The following TAFA5 variants were observed in gnomAD, a reference collection of about 807,000 sequenced individuals.
TAFA5 encodes the protein TAFA chemokine like family member 5, also known as chemokine-like protein TAFA-5.
In TAFA5, 6 loss-of-function variants were observed where a neutral mutation model predicts 15.3. That is an observed-to-expected ratio of 0.39 (90% confidence interval 0.21 to 0.77). The LOEUF (loss-of-function observed/expected upper bound fraction) is 0.77. Ranked by LOEUF, TAFA5 falls within the 30% of genes least tolerant of loss-of-function variation. TAFA5 has a pLI of 0.41. For synonymous variants in TAFA5, 103 were observed against 80.7 expected, an observed-to-expected ratio of 1.28 and a Z score of -1.48; for missense variants, 161 against 193.1, an observed-to-expected ratio of 0.83 and a Z score of 0.98.
At chr22:48,671,567 G>T (rs1233600031) in intron 2 of TAFA5, among the ~76,000 whole-genome samples, 1 of 152,212 alleles carries the variant, frequency 6.6e-6, no homozygotes, top group African/African-American at 2.4e-5. Context: ...GAGCATGACT[G>T]TTGGGATGGA....
At chr22:48,660,060 T>C (rs541633028) in intron 2 of TAFA5, among the ~76,000 whole-genome samples, 1 of 152,318 alleles carries the variant, frequency 6.6e-6, no homozygotes, top group Admixed American at 6.5e-5. Context: ...CCTGTCTGGA[T>C]GCCGAGTCAT....
chr22:48,582,429 C>T lies in TAFA5; in HGVS notation c.113-64168C>T, dbSNP rs1157205110. On this transcript the variant is annotated intron_variant, in intron 1 of 3. Coordinates refer to ENST00000402357, the MANE Select transcript of TAFA5 (RefSeq NM_001082967.3). ...CACCACACACAAAATACACCACATA[C>T]CACACACAAAATACACCACATACCA... Among the ~76,000 whole-genome samples, 10 of 151,140 alleles carry T rather than the reference C, an allele frequency of 6.6e-5. No homozygotes were observed. In the South Asian group the frequency reaches 1.3e-3, roughly 19 times the overall value.
rs1463419710 is a variant in TAFA5 at position 48,490,795 on chromosome 22, G to T, written c.112+1091G>T. Reference sequence around the variant, plus strand: ...ATTCTTTACAAAAAAAAAAAAAAAAGGCCAGCACCGAACCTCCCTCCACAG... The same window carrying T: ...ATTCTTTACAAAAAAAAAAAAAAAATGCCAGCACCGAACCTCCCTCCACAG... On this transcript the variant is annotated intron_variant, in intron 1 of 3. Transcript: ENST00000402357. This position sits in a 1 kb window ranked among gnomAD's most constrained non-coding sequence, Gnocchi z 5.8. Among the ~76,000 whole-genome samples the T allele has an allele frequency of 6.6e-5, 6 of 91,458 alleles. No homozygotes were observed. In the East Asian group the frequency reaches 2.4e-3, roughly 37 times the overall value. The allele number at this position is 91,458 out of a possible 152,430, so 60.0% of individuals were successfully genotyped here.
In TAFA5 at chr22:48,689,763, G is replaced by A. The variant is rs552808770; in HGVS notation, c.263-17954G>A. ...CAGACTGTGCAGGAAAGAGCAGGTTGATGGGCTGGTATCATTGGCATAACA... is the reference window on the plus strand; with the variant it reads ...CAGACTGTGCAGGAAAGAGCAGGTTAATGGGCTGGTATCATTGGCATAACA... On this transcript the variant is annotated intron_variant, in intron 2 of 3. Coordinates refer to ENST00000402357, the MANE Select transcript of TAFA5 (RefSeq NM_001082967.3). 7.9e-5 allele frequency among the ~76,000 whole-genome samples: 12 copies of A among 152,308 alleles called. No homozygotes were observed. In the East Asian group the frequency reaches 2.3e-3, roughly 29 times the overall value.
At chr22:48,650,000 G>T (rs1569063962) in intron 2 of TAFA5, among the ~76,000 whole-genome samples, 2 of 152,208 alleles carry the variant, frequency 1.3e-5, no homozygotes, top group Non-Finnish European at 2.9e-5. Flanking sequence ...TTCAAGGGAG[G>T]CCAAACAAAT....
intron 3 of TAFA5, among the ~76,000 whole-genome samples, chr22:48,729,263 T>TATATAA (rs1309956558): frequency 1.4e-5 from 2 of 143,496 alleles, no homozygotes; most frequent in African/African-American, 5.0e-5. Context: ...TATATAATAA[T>TATATAA]TTTATATTTA....
intron 1 of TAFA5, among the ~76,000 whole-genome samples, chr22:48,500,040 T>C (rs1208205433): frequency 1.3e-5 from 2 of 152,110 alleles, no homozygotes; most frequent in Admixed American, 1.3e-4. Context: ...TCAGCAATTC[T>C]CAGAGACCCC....
chr22:48,580,555 C>T (rs1211590543), intron 1 of TAFA5, among the ~76,000 whole-genome samples: 2 of 152,196 alleles, frequency 1.3e-5, no homozygotes, highest in African/African-American at 2.4e-5. Context: ...GGTAGATGCC[C>T]TTGAGGTTTC....
intron 2 of TAFA5, among the ~76,000 whole-genome samples, chr22:48,696,143 G>A (rs543652729): frequency 6.6e-6 from 1 of 152,310 alleles, no homozygotes; most frequent in East Asian, 1.9e-4. Flanking sequence ...GGGAGAAGTG[G>A]CGCAGGCTGC....
At chr22:48,553,831 C>T (rs1922939463) in intron 1 of TAFA5, among the ~76,000 whole-genome samples, 1 of 152,104 alleles carries the variant, frequency 6.6e-6, no homozygotes, top group Non-Finnish European at 1.5e-5. Context: ...TTGTCAAGGC[C>T]CCTGGAATCC....
rs544348786 is a variant in TAFA5, at chr22:48,746,665, G to A, written c.391-3174G>A. The stretch of plus-strand genomic sequence containing the variant: ...GATAGTAATTGCTGCTGCAGCATTC[G>A]GACCCGGGAGGTGTGCCCCGCCCTG... On this transcript the variant is annotated intron_variant, in intron 3 of 3. Transcript: ENST00000402357. Among the ~76,000 whole-genome samples the A allele has an allele frequency of 2.0e-5, 3 of 152,292 alleles. No homozygotes were observed. In the South Asian group the frequency reaches 6.2e-4, roughly 32 times the overall value.
At chr22:48,641,952 C>T (rs1252917000) in intron 1 of TAFA5, among the ~76,000 whole-genome samples, 2 of 152,212 alleles carry the variant, frequency 1.3e-5, no homozygotes, top group African/African-American at 4.8e-5. Flanking sequence ...GAAACACCAT[C>T]CCCTATCTCC....
At chr22:48,537,957 G>T (rs1477667640) in intron 1 of TAFA5, among the ~76,000 whole-genome samples, 3 of 152,194 alleles carry the variant, frequency 2.0e-5, no homozygotes, top group Non-Finnish European at 2.9e-5. Context: ...GCCATTTGGC[G>T]TGGGGATGCC....
chr22:48,707,508 G>A (rs537962059), intron 2 of TAFA5, among the ~76,000 whole-genome samples: 27 of 152,286 alleles, frequency 1.8e-4, no homozygotes, highest in Admixed American at 9.8e-4. Flanking sequence ...ATGGCAGAGC[G>A]GGACTTGGGG....
At chr22:48,512,796 G>A (rs1424274148) in intron 1 of TAFA5, among the ~76,000 whole-genome samples, 4 of 151,254 alleles carry the variant, frequency 2.6e-5, no homozygotes, top group East Asian at 2.0e-4. Context: ...GGTGGCGAGC[G>A]CCTTTAGTCC....
chr22:48,541,003 C>A (rs754577883), intron 1 of TAFA5, among the ~76,000 whole-genome samples: 37 of 152,112 alleles, frequency 2.4e-4, no homozygotes, highest in Non-Finnish European at 4.4e-4. Flanking sequence ...CAGAGGGGCT[C>A]ACCAAAGGAA....
intron 1 of TAFA5, among the ~76,000 whole-genome samples, chr22:48,643,114 C>T (rs1926741436): frequency 6.6e-6 from 1 of 152,216 alleles, no homozygotes; most frequent in Non-Finnish European, 1.5e-5. Flanking sequence ...CCTGCTGGGG[C>T]TGAGCTGGGG....
chr22:48,748,876 G>A (rs374893571), intron 3 of TAFA5, among the ~76,000 whole-genome samples: 20 of 152,254 alleles, frequency 1.3e-4, no homozygotes, highest in African/African-American at 3.9e-4. Context: ...GGAGGTGCCC[G>A]CCCAGGAGAC....
At chr22:48,597,570 C>G (rs1326702805) in intron 1 of TAFA5, among the ~76,000 whole-genome samples, 1 of 152,084 alleles carries the variant, frequency 6.6e-6, no homozygotes, top group East Asian at 1.9e-4. Context: ...CCCCCTTCAC[C>G]ACGCCACCAT....
Sources: gnomAD v4.1 joint callset for allele counts (sites outside exome capture counted in the v4.1 genomes callset) on GRCh38, gnomAD v4.1.1 for gene constraint, Gnocchi (gnomAD v3.1) non-coding constraint, MANE v1.5 for transcripts, NCBI Gene and HGNC (gene_info 2026-07-23, HGNC 2026-07-21) for gene names.